TANC2: variants seen among roughly 807,000 people sequenced by gnomAD.
TANC2 encodes the protein protein TANC2.
A neutral mutation model predicts 210.5 loss-of-function variants in TANC2; 26 were observed. That is an observed-to-expected ratio of 0.12 (90% CI 0.09 to 0.17). The LOEUF (loss-of-function observed/expected upper bound fraction) is 0.17. Among genes scored for constraint, TANC2 ranks in the 10% least tolerant of loss-of-function variants. TANC2 has a pLI of 1.00. For synonymous variants in TANC2, 931 were observed against 967.1 expected (o/e 0.96, Z 0.69); for missense variants, 2,129 against 2,608.9 (o/e 0.82, Z 4.01).
intron 7 of TANC2, among the ~76,000 whole-genome samples, chr17:63,206,470 C>G (rs1415329978): frequency 1.3e-5 from 2 of 152,112 alleles, no homozygotes; most frequent in Non-Finnish European, 2.9e-5. Context: ...GGACAGATGA[C>G]TGGACAAACA....
intron 2 of TANC2, among the ~76,000 whole-genome samples, chr17:63,047,320 C>T (rs1226251839): frequency 7.9e-5 from 12 of 152,138 alleles, no homozygotes; most frequent in Admixed American, 2.6e-4. Context: ...AACATTTAAA[C>T]ATTCTAAGTA....
chr17:63,395,600 C>A, intron 17 of TANC2, 143 bp from the exon 18 acceptor site: 1 of 674,616 alleles, frequency 1.5e-6, no homozygotes, highest in Non-Finnish European at 2.5e-6. Flanking sequence ...TGAGCAGAGT[C>A]TCCTGAATTT....
chr17:63,401,815 G>A (rs2048352814), intron 19 of TANC2, among the ~76,000 whole-genome samples: 1 of 152,134 alleles, frequency 6.6e-6, no homozygotes, highest in Admixed American at 6.5e-5. Flanking sequence ...CAACTCTGGA[G>A]GCCAACCCTG....
chr17:62,977,289 T>C (rs1006084850), intron 1 of TANC2, among the ~76,000 whole-genome samples: 11 of 152,232 alleles, frequency 7.2e-5, no homozygotes, highest in Admixed American at 4.6e-4. Flanking sequence ...TCTTTTTCTT[T>C]AAATGAACTT....
At chr17:63,098,945 G>C (rs1345310801) in intron 3 of TANC2, among the ~76,000 whole-genome samples, 1 of 152,098 alleles carries the variant, frequency 6.6e-6, no homozygotes, top group Non-Finnish European at 1.5e-5. Context: ...TCTCTCATGA[G>C]ATAGTGAACA....
rs190106644 is a variant in TANC2, at chr17:63,273,061, C to T, written c.1159+5188C>T. The stretch of plus-strand genomic sequence containing the variant: ...TTAGAAGGCCAAGGTGGGAGGCTTA[C>T]TTGAGCCAGAAGTTCAAGACCAGCC... On this transcript the variant is annotated intron_variant, in intron 9 of 27. Coordinates refer to ENST00000689528, the Ensembl canonical transcript of TANC2. Among the ~76,000 whole-genome samples, 331 of 152,258 alleles carry T rather than the reference C, an allele frequency of 2.2e-3. 1 individual carries two copies. Among genetic ancestry groups the T allele is most frequent in the Admixed American group, 0.017 (258 of 15,274 alleles).
At chr17:63,264,742 C>T (rs145470029) in intron 8 of TANC2, among the ~76,000 whole-genome samples, 3,161 of 152,128 alleles carry the variant, frequency 0.021, 42 homozygotes, top group South Asian at 0.038. Context: ...AGGAAAAGAG[C>T]AAAGAAGTCA....
At chr17:62,998,064 T>C (rs2033199403) in intron 1 of TANC2, among the ~76,000 whole-genome samples, 1 of 152,158 alleles carries the variant, frequency 6.6e-6, no homozygotes, top group Non-Finnish European at 1.5e-5. Context: ...GAAATGGCCA[T>C]TTTAAGATCC....
chr17:63,213,220 A>G (rs1254604592), intron 7 of TANC2, among the ~76,000 whole-genome samples: 1 of 152,206 alleles, frequency 6.6e-6, no homozygotes, highest in Non-Finnish European at 1.5e-5. Flanking sequence ...TCTGGCATAT[A>G]TACCAGGGTT....
At chr17:63,107,934 C>T (rs1293871639) in intron 4 of TANC2, among the ~76,000 whole-genome samples, 1 of 151,588 alleles carries the variant, frequency 6.6e-6, no homozygotes, top group Non-Finnish European at 1.5e-5. Flanking sequence ...TGAACTAAAT[C>T]CATTAAATTG....
At chr17:63,287,995 T>A (rs2044277372) in intron 9 of TANC2, among the ~76,000 whole-genome samples, 1 of 152,190 alleles carries the variant, frequency 6.6e-6, no homozygotes, top group Admixed American at 6.5e-5. Context: ...TGTAAATTTT[T>A]CCATTCTGGC....
chr17:63,149,650 A>C (rs1328025557), intron 4 of TANC2: 2 of 141,932 alleles, frequency 1.4e-5, no homozygotes, highest in East Asian at 3.9e-4. Context: ...GTATTGAATA[A>C]ATAAACTGTT....
chr17:63,364,186 T>C (rs889931333), intron 14 of TANC2, among the ~76,000 whole-genome samples: 4 of 152,234 alleles, frequency 2.6e-5, no homozygotes, highest in African/African-American at 9.6e-5. Flanking sequence ...AACTCTAATA[T>C]ATATTTTGAA....
rs748267915 is a variant in TANC2, at chr17:63,418,273, C to T, written c.4168-34C>T. The T allele has an allele frequency of 2.2e-5, 35 of 1,576,132 alleles. No individual in the cohort carries two copies. The South Asian group carries it at 3.9e-4, about 18-fold the overall frequency. On this transcript the variant is annotated intron_variant, in intron 26 of 27. Coordinates refer to ENST00000689528, the Ensembl canonical transcript of TANC2. The surrounding 1 kb of genome is among the most constrained non-coding windows in gnomAD (Gnocchi z 4.6). Reference sequence around the variant, plus strand: ...AAGTTGTCTATTTTTTATATCTCATCAATGACTCATTTGCACACCTATTGT... The same window carrying T: ...AAGTTGTCTATTTTTTATATCTCATTAATGACTCATTTGCACACCTATTGT...
intron 8 of TANC2, among the ~76,000 whole-genome samples, chr17:63,255,829 C>T (rs936271155): frequency 1.3e-5 from 2 of 150,500 alleles, no homozygotes; most frequent in African/African-American, 4.9e-5. Context: ...TTCTTTCCTT[C>T]TACTAAGTTT....
At chr17:63,192,368 A>C (rs2041214555) in intron 5 of TANC2, among the ~76,000 whole-genome samples, 1 of 152,254 alleles carries the variant, frequency 6.6e-6, no homozygotes, top group Non-Finnish European at 1.5e-5. Context: ...GGAAGTACTG[A>C]AAGTAGTAAT....
chr17:63,314,631 G>A, exon 10 of TANC2: 1 of 1,613,964 alleles, frequency 6.2e-7, no homozygotes, highest in Non-Finnish European at 8.5e-7. Context: ...ACAAGGATGA[G>A]ACAGATCGCC....
intron 14 of TANC2, among the ~76,000 whole-genome samples, chr17:63,365,846 A>T (rs867919707): frequency 6.6e-6 from 1 of 152,010 alleles, no homozygotes; most frequent in Non-Finnish European, 1.5e-5. Flanking sequence ...TATCTAAGTA[A>T]GTGCCTCCTG....
At chr17:63,186,438 C>T (rs905887223) in intron 5 of TANC2, among the ~76,000 whole-genome samples, 1 of 151,178 alleles carries the variant, frequency 6.6e-6, no homozygotes, top group Non-Finnish European at 1.5e-5. Context: ...CTGCAACTTC[C>T]GCCTCCCAGG....
Sources: allele counts gnomAD v4.1 joint callset (sites outside exome capture counted in the v4.1 genomes callset), GRCh38; gene constraint gnomAD v4.1.1; non-coding constraint Gnocchi (gnomAD v3.1); transcripts MANE v1.5; gene names NCBI Gene and HGNC (gene_info 2026-07-23, HGNC 2026-07-21).